Variants in HOOK2 observed in about 807,000 individuals in gnomAD.
HOOK2 encodes the protein protein Hook homolog 2.
A neutral mutation model predicts 111.9 loss-of-function variants in HOOK2; 108 were observed. The ratio of observed to expected loss-of-function variants is 0.96; its 90% CI spans 0.83 to 1.13. HOOK2 has a LOEUF of 1.13. Among genes scored for constraint, HOOK2 ranks in the 50% most tolerant of loss-of-function variants. HOOK2 has a pLI of 0.00. For missense variants in HOOK2, 978 were observed against 951.3 expected, an observed-to-expected ratio of 1.03 and a Z score of -0.37; for synonymous variants, 405 against 394.3, an observed-to-expected ratio of 1.03 and a Z score of -0.32.
chr19:12,772,396 C>A, intron 6 of HOOK2, 144 bp from the exon 7 acceptor site: 1 of 1,060,960 alleles, frequency 9.4e-7, no homozygotes. Context: ...TGCCCTCCTG[C>A]CTCCAACACA....
chr19:12,775,725 A>C (rs1051767898), upstream of HOOK2: 1 of 348,330 alleles, frequency 2.9e-6, no homozygotes, highest in Non-Finnish European at 5.1e-6. Context: ...AGCCTGGCCC[A>C]GCCTTGTGCA....
Position 12,763,299 on chromosome 19 carries a change from G to T in HOOK2, c.2143C>A (p.Pro715Thr). 1 of 1,613,742 alleles carries T rather than the reference G, an allele frequency of 6.2e-7. No individual in the cohort carries two copies. Among genetic ancestry groups the T allele is most frequent in the Non-Finnish European group, 8.5e-7 (1 of 1,180,006 alleles). ...GAGGTCTGTCAGTGCTTGTCAGTGGGGCGAAGGTTCAGAGATGCCAGGCGT... is the reference window on the plus strand; with the variant it reads ...GAGGTCTGTCAGTGCTTGTCAGTGGTGCGAAGGTTCAGAGATGCCAGGCGT... ...LGRLASLNLR[P>T]TDKH The change falls in exon 23 of 23, where the codon CCC (proline) becomes ACC (threonine). Residue 715 changes from proline to threonine, a missense_variant. Transcript: ENST00000397668.
At chr19:12,768,873 C>T (rs919510478) in intron 11 of HOOK2, among the ~76,000 whole-genome samples, 2 of 152,222 alleles carry the variant, frequency 1.3e-5, no homozygotes, top group East Asian at 3.9e-4. Flanking sequence ...TCTTGGCTTA[C>T]TGCAACTTCC....
intron 3 of HOOK2, chr19:12,774,401 C>T: frequency 1.8e-6 from 1 of 547,912 alleles, no homozygotes; most frequent in East Asian, 3.1e-5. Flanking sequence ...CCACTGCGCC[C>T]AGCCTGGAAG....
intron 3 of HOOK2, among the ~76,000 whole-genome samples, chr19:12,789,444 A>AG (rs1024161422): frequency 4.6e-5 from 7 of 152,050 alleles, no homozygotes; most frequent in Non-Finnish European, 1.0e-4. Flanking sequence ...CTAGGGAAGG[A>AG]GGGGGGCTCC....
chr19:12,767,271 G>A (rs1011651784), intron 14 of HOOK2, 124 bp downstream of exon 14: 17 of 756,566 alleles, frequency 2.2e-5, no homozygotes, highest in Admixed American at 8.7e-5. Flanking sequence ...CTAGGAGCCC[G>A]GCTGGCACCT....
chr19:12,792,290 C>A, intron 3 of HOOK2: 1 of 1,496,798 alleles, frequency 6.7e-7, no homozygotes, highest in South Asian at 1.3e-5. Context: ...GGGGCGTCTA[C>A]GCCGGCCCGG....
intron 3 of HOOK2, among the ~76,000 whole-genome samples, chr19:12,788,441 A>G (rs1427952666): frequency 6.6e-6 from 1 of 152,172 alleles, no homozygotes; most frequent in Non-Finnish European, 1.5e-5. Context: ...ATCTATCTTA[A>G]GTGTTTCTGA....
chr19:12,780,060 G>A (rs1228077979), upstream of HOOK2, among the ~76,000 whole-genome samples: 1 of 152,168 alleles, frequency 6.6e-6, no homozygotes, highest in Admixed American at 6.5e-5. Context: ...TGAGGCAAGA[G>A]AATTGCTTGA....
upstream of HOOK2, among the ~76,000 whole-genome samples, chr19:12,779,199 T>C (rs1265052416): frequency 6.6e-6 from 1 of 151,924 alleles, no homozygotes; most frequent in Non-Finnish European, 1.5e-5. Context: ...CCAGCCTAGG[T>C]TGTACTGCTG....
At chr19:12,779,254 C>T (rs1442308552), upstream of HOOK2, among the ~76,000 whole-genome samples, 1 of 151,880 alleles carries the variant, frequency 6.6e-6, no homozygotes, top group Non-Finnish European at 1.5e-5. Context: ...AGCTGGACCC[C>T]GGCCTGCCCC....
chr19:12,763,098 T>C lies in HOOK2; in HGVS notation c.*184A>G. ...GAGAGAATCAACAACAAGAATCACA[T>C]TGCTAAAAAGAACAGGCCTATATCT... On this transcript the variant is annotated 3_prime_UTR_variant, in exon 23 of 23. Coordinates refer to ENST00000397668, the MANE Select transcript of HOOK2 (RefSeq NM_013312.3). 1.7e-6 allele frequency: 1 copy of C among 598,016 alleles called. No individual in the cohort carries two copies. Among genetic ancestry groups the C allele is most frequent in the South Asian group, 2.3e-5 (1 of 44,148 alleles). 37.0% of individuals were successfully genotyped at this position (598,016 alleles called of 1,614,324 possible).
intron 14 of HOOK2, among the ~76,000 whole-genome samples, chr19:12,766,826 G>A (rs1351872456): frequency 6.6e-6 from 1 of 152,084 alleles, no homozygotes; most frequent in Non-Finnish European, 1.5e-5. Flanking sequence ...CTTGTGATCC[G>A]CTCGCCTTGG....
chr19:12,770,024 A>G lies in HOOK2; in HGVS notation c.961T>C (p.Leu321=). 6.5e-7 allele frequency: 1 copy of G among 1,540,874 alleles called. No homozygotes were observed. Residue 321 remains leucine (L), a synonymous_variant, in exon 11 of 23, where the codon TTG becomes CTG. Transcript: ENST00000397668. ...EATLTSCRRR[L]GELRELRRQV... is the part of the protein sequence containing the mutation. Reference sequence around the variant, plus strand: ...CGCCGCAGCTCCCTCAGCTCGCCCAAGCGGCGCCGGCAACTGGTCAGCGTG... The same window carrying G: ...CGCCGCAGCTCCCTCAGCTCGCCCAGGCGGCGCCGGCAACTGGTCAGCGTG...
At chr19:12,777,169 A>C (rs1296445177), upstream of HOOK2, among the ~76,000 whole-genome samples, 1 of 68,942 alleles carries the variant, frequency 1.5e-5, no homozygotes, top group African/African-American at 3.5e-5. Context: ...AAAATAAATA[A>C]AATAAAATAA....
In HOOK2 at chr19:12,790,609, C is replaced by G. The variant is rs1333727320; in HGVS notation, n.42-16384G>C. Among the ~76,000 whole-genome samples, 2 of 152,190 alleles carry G rather than the reference C, an allele frequency of 1.3e-5. No homozygotes were observed. Among genetic ancestry groups the G allele is most frequent in the Non-Finnish European group, 2.9e-5 (2 of 68,034 alleles). ...TCCTCACATGTCAACTGAGTACCCT[C>G]TTATTGTCTTCTCTGCTCCGAAGAT... On this transcript the variant is annotated intron_variant and non_coding_transcript_variant, in intron 3 of 3. Transcript: ENST00000589765. The surrounding 1 kb of genome is among the most constrained non-coding windows in gnomAD (Gnocchi z 7.2).
At chr19:12,770,313 G>T (rs1422727297) in intron 10 of HOOK2, among the ~76,000 whole-genome samples, 1 of 152,020 alleles carries the variant, frequency 6.6e-6, no homozygotes, top group Non-Finnish European at 1.5e-5. Context: ...GGGTGGAATT[G>T]TGGGGACACA....
At position 12,786,479 on chromosome 19, in the gene HOOK2, C is replaced by T. The variant is rs1280138922; in HGVS notation, n.42-12254G>A. On this transcript the variant is annotated intron_variant and non_coding_transcript_variant, in intron 3 of 3. Coordinates refer to the HOOK2 transcript ENST00000589765. The surrounding 1 kb of genome is among the most constrained non-coding windows in gnomAD (Gnocchi z 4.3). ...CTTCCTCCTTATCCTGTGCCCTAGG[C>T]CCCAGGCCCTGGGGCACTGGGGAAG... Among the ~76,000 whole-genome samples the T allele has an allele frequency of 6.6e-6, 1 of 152,094 alleles. No individual in the cohort carries two copies. The highest frequency in any genetic ancestry group is 1.5e-5 in the Non-Finnish European group (1 of 67,974).
chr19:12,784,484 G>C (rs1214244769), intron 3 of HOOK2: 1 of 152,402 alleles, frequency 6.6e-6, no homozygotes, highest in Admixed American at 6.5e-5. Context: ...CGTGTGCGGC[G>C]GGGATAAATC....
Sources: gnomAD v4.1 joint callset for allele counts (sites outside exome capture counted in the v4.1 genomes callset) on GRCh38, gnomAD v4.1.1 for gene constraint, Gnocchi (gnomAD v3.1) non-coding constraint, MANE v1.5 for transcripts, NCBI Gene and HGNC (gene_info 2026-07-23, HGNC 2026-07-21) for gene names.